Variants in TECPR2 observed in about 807,000 individuals in gnomAD.
The protein encoded by TECPR2 is tectonin beta-propeller repeat-containing protein 2.
In TECPR2, 65 loss-of-function variants were observed where a neutral mutation model predicts 138.1. The observed-to-expected ratio is 0.47, with a 90% CI of 0.39 to 0.58. The LOEUF is 0.58. TECPR2 is among the 20% of genes least tolerant of loss of function. TECPR2 has a pLI of 0.00. For missense variants in TECPR2, 1,553 were observed against 1,824.5 expected (o/e 0.85, Z 2.71); for synonymous variants, 746 against 749.8 (o/e 0.99, Z 0.08).
Position 102,376,786 on chromosome 14 carries a change from C to T in TECPR2, c.65C>T (p.Ala22Val), listed in dbSNP as rs1326258379. 9.9e-6 allele frequency: 16 copies of T among 1,614,092 alleles called. No individual in the cohort carries two copies. The African/African-American group carries it at 1.9e-4, about 19-fold the overall frequency. ...TGCCCGTTGTACTATCTCCTCAATG[C>T]CATTCCGACAAAGATCCAGAAGGGT... ...EFCPLYYLLN[A>V]IPTKIQKGFR... is the part of the protein sequence containing the mutation. The change falls in exon 2 of 20, where the codon GCC (alanine) becomes GTC (valine). Residue 22 changes from alanine to valine, a missense_variant. Coordinates refer to ENST00000359520, the MANE Select transcript of TECPR2 (RefSeq NM_014844.5).
intron 17 of TECPR2, among the ~76,000 whole-genome samples, chr14:102,482,676 T>G (rs1432118462): frequency 1.3e-5 from 2 of 152,156 alleles, no homozygotes; most frequent in African/African-American, 2.4e-5. Context: ...TTGGTGACTT[T>G]TTGGAGGTAT....
At chr14:102,463,360 T>C (rs1209357960) in intron 16 of TECPR2, among the ~76,000 whole-genome samples, 1 of 132,912 alleles carries the variant, frequency 7.5e-6, no homozygotes, top group African/African-American at 2.9e-5. Flanking sequence ...GAGCTTGCAG[T>C]GAGCCGAGAT....
At chr14:102,376,626 G>T in intron 1 of TECPR2, 24 bp from the exon 2 acceptor site, 1 of 1,119,000 alleles carries the variant, frequency 8.9e-7, no homozygotes, top group Non-Finnish European at 1.3e-6. Context: ...GGCATTGAAA[G>T]GATTGTAATG....
chr14:102,412,535 C>T (rs1382164311), intron 4 of TECPR2, among the ~76,000 whole-genome samples: 2 of 151,784 alleles, frequency 1.3e-5, no homozygotes, highest in Non-Finnish European at 2.9e-5. Flanking sequence ...TTCACAGGGA[C>T]AGATACAAGT....
chr14:102,376,625 A>G, intron 1 of TECPR2, 25 bp from the exon 2 acceptor site: 1 of 1,110,594 alleles, frequency 9.0e-7, no homozygotes, highest in Non-Finnish European at 1.3e-6. Flanking sequence ...AGGCATTGAA[A>G]GGATTGTAAT....
intron 17 of TECPR2, among the ~76,000 whole-genome samples, chr14:102,474,882 A>C (rs983079271): frequency 2.0e-5 from 3 of 151,794 alleles, no homozygotes; most frequent in Admixed American, 6.6e-5. Flanking sequence ...CTAGAAGGAG[A>C]CTGGAAAACA....
chr14:102,409,908 G>T (rs1350262825), intron 4 of TECPR2, among the ~76,000 whole-genome samples: 1 of 152,120 alleles, frequency 6.6e-6, no homozygotes, highest in Admixed American at 6.5e-5. Context: ...GGGTTCAAGG[G>T]ATTCTCATGC....
intron 1 of TECPR2, 85 bp from the exon 2 acceptor site, chr14:102,376,565 C>A: frequency 1.5e-6 from 1 of 649,120 alleles, no homozygotes; most frequent in Non-Finnish European, 2.7e-6. Flanking sequence ...GTTTACCTGC[C>A]TAAAAGTTCC....
chr14:102,392,155 AT>A (rs200620350), intron 2 of TECPR2, among the ~76,000 whole-genome samples: 5,711 of 151,464 alleles, frequency 0.038, 120 homozygotes, highest in Middle Eastern at 0.089. Flanking sequence ...CACCCAGCTG[AT>A]TTTTTTTGTA....
At chr14:102,458,289 CACT>C (rs1369628151) in intron 16 of TECPR2, among the ~76,000 whole-genome samples, 1 of 152,192 alleles carries the variant, frequency 6.6e-6, no homozygotes, top group Non-Finnish European at 1.5e-5. Flanking sequence ...TCCCTCCCAC[CACT>C]GTCAGGGTGG....
intron 19 of TECPR2, 98 bp downstream of exon 19, chr14:102,497,817 C>T: frequency 7.2e-7 from 1 of 1,396,584 alleles, no homozygotes; most frequent in Non-Finnish European, 9.5e-7. Flanking sequence ...CCCCACTGGG[C>T]TCCAATCTCT....
At chr14:102,488,061 C>T (rs1373377739) in intron 17 of TECPR2, among the ~76,000 whole-genome samples, 1 of 150,454 alleles carries the variant, frequency 6.6e-6, no homozygotes, top group Non-Finnish European at 1.5e-5. Flanking sequence ...TCAGGCTTGT[C>T]TTGAACTCCG....
At chr14:102,431,272 A>C (rs1438613048) in intron 7 of TECPR2, among the ~76,000 whole-genome samples, 1 of 151,508 alleles carries the variant, frequency 6.6e-6, no homozygotes, top group East Asian at 1.9e-4. Flanking sequence ...TGATTTTAAT[A>C]TATGAGCTTC....
chr14:102,368,308 C>T (rs1887400935), intron 1 of TECPR2, among the ~76,000 whole-genome samples: 1 of 152,078 alleles, frequency 6.6e-6, no homozygotes, highest in Non-Finnish European at 1.5e-5. Context: ...CGTGCCTGGC[C>T]TTACTGGGCA....
intron 2 of TECPR2, among the ~76,000 whole-genome samples, chr14:102,378,159 A>C (rs539815765): frequency 6.6e-6 from 1 of 152,338 alleles, no homozygotes; most frequent in Non-Finnish European, 1.5e-5. Flanking sequence ...CTTCCACCAC[A>C]TGGGACTCTA....
intron 5 of TECPR2, among the ~76,000 whole-genome samples, chr14:102,421,364 C>G (rs1889176823): frequency 6.6e-6 from 1 of 152,156 alleles, no homozygotes; most frequent in Non-Finnish European, 1.5e-5. Context: ...GTCAAAACAC[C>G]CTTGGTTCGT....
At chr14:102,469,942 A>C (rs1406124797) in intron 17 of TECPR2, among the ~76,000 whole-genome samples, 1 of 152,144 alleles carries the variant, frequency 6.6e-6, no homozygotes, top group Non-Finnish European at 1.5e-5. Flanking sequence ...GTTAAATCCC[A>C]GTTGGTCATG....
At chr14:102,425,362 C>T in intron 6 of TECPR2, 71 bp downstream of exon 6, 1 of 1,451,208 alleles carries the variant, frequency 6.9e-7, no homozygotes, top group Non-Finnish European at 9.2e-7. Flanking sequence ...AACTGTTCTA[C>T]TCAGGGACCT....
intron 5 of TECPR2, among the ~76,000 whole-genome samples, chr14:102,417,311 T>C (rs886833629): frequency 6.6e-6 from 1 of 152,234 alleles, no homozygotes; most frequent in East Asian, 1.9e-4. Context: ...GAAGCAGTGC[T>C]TCCCTCACAA....
Sources: allele counts gnomAD v4.1 joint callset (sites outside exome capture counted in the v4.1 genomes callset), GRCh38; gene constraint gnomAD v4.1.1; transcripts MANE v1.5; gene names NCBI Gene and HGNC (gene_info 2026-07-23, HGNC 2026-07-21).